TGFBR3: variants seen among roughly 807,000 people sequenced by gnomAD.
TGFBR3 encodes the protein transforming growth factor beta receptor type 3.
A neutral mutation model predicts 87.9 loss-of-function variants in TGFBR3; 46 were observed. The observed-to-expected ratio is 0.52, with a 90% CI of 0.41 to 0.67. The LOEUF is 0.67. Ranked by LOEUF, TGFBR3 falls within the 30% of genes least tolerant of loss-of-function variation. The pLI, the probability that TGFBR3 is intolerant of heterozygous loss-of-function variation, is 0.00. For missense variants in TGFBR3, 866 were observed against 1,041.9 expected (o/e 0.83, Z 2.32); for synonymous variants, 381 against 391.6 (o/e 0.97, Z 0.32).
intron 16 of TGFBR3, among the ~76,000 whole-genome samples, chr1:91,693,336 A>T (rs1013854661): frequency 3.3e-5 from 5 of 152,316 alleles, no homozygotes; most frequent in Admixed American, 2.0e-4. Context: ...TTTTGCTGGA[A>T]AGCATCACAG....
At chr1:91,779,124 T>C (rs1674677962) in intron 3 of TGFBR3, among the ~76,000 whole-genome samples, 1 of 152,106 alleles carries the variant, frequency 6.6e-6, no homozygotes. Context: ...GCATTTTCAT[T>C]GAAATGTAAA....
At chr1:91,684,921 T>G (rs1671038795) in intron 16 of TGFBR3, among the ~76,000 whole-genome samples, 1 of 152,208 alleles carries the variant, frequency 6.6e-6, no homozygotes, top group African/African-American at 2.4e-5. Flanking sequence ...CTCTTTCCTG[T>G]CATGCTGAAA....
At position 91,809,738 on chromosome 1, in the gene TGFBR3, T is replaced by C. The variant is rs17886554; in HGVS notation, c.62-12267A>G. 2.0e-5 allele frequency among the ~76,000 whole-genome samples: 3 copies of C among 152,292 alleles called. No homozygotes were observed. The East Asian group carries it at 5.8e-4, about 29-fold the overall frequency. ...ATGCCAAATTATTCAGCTTAATATA[T>C]AGGTCCCAATTATAAGACTAAACTC... On this transcript the variant is annotated intron_variant, in intron 2 of 16. Transcript: ENST00000212355.
intron 2 of TGFBR3, among the ~76,000 whole-genome samples, chr1:91,894,377 C>G (rs920827716): frequency 2.6e-5 from 4 of 152,146 alleles, no homozygotes; most frequent in Non-Finnish European, 5.9e-5. Flanking sequence ...CTTTAAAAAT[C>G]TTACTTGACC....
chr1:91,803,111 C>T (rs1010555656), intron 2 of TGFBR3, among the ~76,000 whole-genome samples: 19 of 152,176 alleles, frequency 1.2e-4, no homozygotes, highest in Admixed American at 9.2e-4. Flanking sequence ...CAGATGAAGC[C>T]CCAAAACCTC....
intron 8 of TGFBR3, 104 bp from the exon 9 acceptor site, chr1:91,720,334 A>T: frequency 8.7e-7 from 1 of 1,146,032 alleles, no homozygotes. Flanking sequence ...GGGCAGGTGT[A>T]AAATGACTTT....
At chr1:91,723,264 T>G (rs1419232548) in intron 7 of TGFBR3, among the ~76,000 whole-genome samples, 1 of 152,010 alleles carries the variant, frequency 6.6e-6, no homozygotes, top group African/African-American at 2.4e-5. Context: ...GAAGGACTGC[T>G]TGAGCCCAAG....
intron 14 of TGFBR3, among the ~76,000 whole-genome samples, chr1:91,702,682 T>C (rs1671662727): frequency 1.3e-5 from 2 of 152,130 alleles, no homozygotes; most frequent in South Asian, 2.1e-4. Context: ...TCACCATAAA[T>C]TGGCAATTGT....
At chr1:91,823,505 G>T (rs1385112914) in intron 2 of TGFBR3, among the ~76,000 whole-genome samples, 1 of 152,048 alleles carries the variant, frequency 6.6e-6, no homozygotes, top group Non-Finnish European at 1.5e-5. Flanking sequence ...AACAAATTGG[G>T]GTATATCCAT....
chr1:91,734,375 C>T (rs1402125690), intron 5 of TGFBR3, among the ~76,000 whole-genome samples: 2 of 152,204 alleles, frequency 1.3e-5, no homozygotes, highest in African/African-American at 4.8e-5. Context: ...TTGCAGAACA[C>T]AGGTAAGAGG....
intron 16 of TGFBR3, among the ~76,000 whole-genome samples, chr1:91,687,352 A>G (rs1671123926): frequency 6.6e-6 from 1 of 152,204 alleles, no homozygotes; most frequent in Non-Finnish European, 1.5e-5. Flanking sequence ...GAAGAAAAAA[A>G]GAAGCAAAAA....
intron 2 of TGFBR3, among the ~76,000 whole-genome samples, chr1:91,855,413 T>G (rs1354535147): frequency 6.6e-6 from 1 of 152,222 alleles, no homozygotes; most frequent in Non-Finnish European, 1.5e-5. Context: ...CTGATTTCCC[T>G]GAATTCTCCA....
At position 91,720,148 on chromosome 1, in the gene TGFBR3, C is replaced by T; in HGVS notation, c.1158G>A (p.Leu386=). The T allele has an allele frequency of 6.2e-7, 1 of 1,613,782 alleles. No homozygotes were observed. The highest frequency in any genetic ancestry group is 8.5e-7 in the Non-Finnish European group (1 of 1,179,906). ...CCCCTCCCCGGATGGGCGGGTTCTGCAGGGCAGGCAGGGCACCAGGGTCCA... is the reference window on the plus strand; with the variant it reads ...CCCCTCCCCGGATGGGCGGGTTCTGTAGGGCAGGCAGGGCACCAGGGTCCA... The part of the protein sequence containing the change: ...ILLDPGALPA[L]QNPPIRGGEG... The change falls in exon 9 of 17, where the codon CTG becomes CTA. Residue 386 remains leucine, a synonymous_variant. Coordinates refer to ENST00000212355, the MANE Select transcript of TGFBR3 (RefSeq NM_003243.5).
intron 4 of TGFBR3, among the ~76,000 whole-genome samples, chr1:91,740,968 C>T (rs892978464): frequency 6.6e-6 from 1 of 152,166 alleles, no homozygotes; most frequent in Non-Finnish European, 1.5e-5. Context: ...AGAAAAACAA[C>T]CTATTTTTCT....
At chr1:91,818,278 C>CT (rs760050197) in intron 2 of TGFBR3, among the ~76,000 whole-genome samples, 6 of 32,486 alleles carry the variant, frequency 1.8e-4, no homozygotes, top group African/African-American at 5.9e-4. Context: ...TAGCCCCAGC[C>CT]TTTTTTTTTT....
intron 3 of TGFBR3, among the ~76,000 whole-genome samples, chr1:91,780,259 C>T (rs776476404): frequency 1.6e-4 from 24 of 152,150 alleles, no homozygotes; most frequent in Admixed American, 3.3e-4. Context: ...AACAATAAAA[C>T]GTACAGGTGT....
At chr1:91,751,695 A>G (rs1673546569) in intron 4 of TGFBR3, among the ~76,000 whole-genome samples, 1 of 151,836 alleles carries the variant, frequency 6.6e-6, no homozygotes, top group Non-Finnish European at 1.5e-5. Context: ...TTCTTCACCC[A>G]TCCCTCCCCG....
At chr1:91,877,464 C>G (rs567103743) in intron 1 of TGFBR3, among the ~76,000 whole-genome samples, 3 of 152,224 alleles carry the variant, frequency 2.0e-5, no homozygotes, top group Admixed American at 6.5e-5. Context: ...GAAGCTGGGA[C>G]TACAGGCACA....
chr1:91,827,073 G>A (rs1014155402), intron 2 of TGFBR3, among the ~76,000 whole-genome samples: 4 of 152,088 alleles, frequency 2.6e-5, no homozygotes, highest in Non-Finnish European at 5.9e-5. Context: ...TTTTACTGAG[G>A]AAAACTTTCT....
Sources: allele counts gnomAD v4.1 joint callset (sites outside exome capture counted in the v4.1 genomes callset), GRCh38; gene constraint gnomAD v4.1.1; transcripts MANE v1.5; gene names NCBI Gene and HGNC (gene_info 2026-07-23, HGNC 2026-07-21).